ZNF618: variants seen among roughly 807,000 people sequenced by gnomAD.
ZNF618 encodes zinc finger protein 618.
ZNF618 carries 34 observed loss-of-function variants against 103.0 expected under a neutral mutation model. The ratio of observed to expected loss-of-function variants is 0.33; its 90% confidence interval spans 0.25 to 0.44. ZNF618 has a LOEUF of 0.44. Ranked by LOEUF, ZNF618 falls within the 20% of genes least tolerant of loss-of-function variation. The pLI is 1.00. For missense variants in ZNF618, 1,059 were observed against 1,295.4 expected (o/e 0.82, Z 2.80); for synonymous variants, 551 against 542.2 (o/e 1.02, Z -0.23).
intron 1 of ZNF618, among the ~76,000 whole-genome samples, chr9:113,911,210 C>T (rs1416648152): frequency 6.6e-6 from 1 of 152,186 alleles, no homozygotes; most frequent in East Asian, 1.9e-4. Context: ...TAACAAATAG[C>T]AAGTGCTCTT....
chr9:113,983,909 G>T (rs761918907), intron 2 of ZNF618, among the ~76,000 whole-genome samples: 1 of 152,090 alleles, frequency 6.6e-6, no homozygotes, highest in African/African-American at 2.4e-5. Context: ...GTTCCAGTGG[G>T]CCCCGGGGAG....
chr9:114,015,704 C>T (rs1842590044), intron 9 of ZNF618, among the ~76,000 whole-genome samples: 1 of 152,184 alleles, frequency 6.6e-6, no homozygotes. Context: ...TGAGTCACAG[C>T]ATTTTTCTTA....
chr9:113,998,451 C>G (rs1324440695), intron 4 of ZNF618, 97 bp downstream of exon 4: 73 of 1,131,830 alleles, frequency 6.4e-5, no homozygotes, highest in Non-Finnish European at 5.2e-6. Context: ...GTAAGCAGGC[C>G]CCTGTTAGCA....
Position 113,969,084 on chromosome 9 carries a change from G to C in ZNF618, c.34-33G>C, listed in dbSNP as rs768172104. On this transcript the variant is annotated intron_variant, in intron 1 of 14. Coordinates refer to ENST00000374126, the MANE Select transcript of ZNF618 (RefSeq NM_001318042.2). ...AGGTCAAATCTGCATCTTCTGCCTT[G>C]GCTGATGTAGGTGTTTTGGGTTTCT... 5.3e-5 allele frequency: 85 copies of C among 1,613,778 alleles called. 1 individual carries two copies. The South Asian group carries it at 9.0e-4, about 17-fold the overall frequency.
intron 1 of ZNF618, among the ~76,000 whole-genome samples, chr9:113,956,085 T>TA (rs1836258257): frequency 6.6e-6 from 1 of 151,792 alleles, no homozygotes; most frequent in African/African-American, 2.4e-5. Context: ...GGCTCACGCC[T>TA]GTAATCCCAG....
intron 1 of ZNF618, among the ~76,000 whole-genome samples, chr9:113,892,098 G>A (rs1346399093): frequency 6.6e-6 from 1 of 152,168 alleles, no homozygotes; most frequent in Non-Finnish European, 1.5e-5. Context: ...AAATAGGTGA[G>A]AGTTTCAGTT....
chr9:113,877,237 A>C (rs1457405735), intron 1 of ZNF618, among the ~76,000 whole-genome samples: 3 of 152,118 alleles, frequency 2.0e-5, no homozygotes, highest in Admixed American at 2.0e-4. Context: ...AACCTCCTAA[A>C]AGCAAAGTCA....
chr9:114,022,061 TG>T (rs1429274675), intron 10 of ZNF618, among the ~76,000 whole-genome samples: 1 of 152,144 alleles, frequency 6.6e-6, no homozygotes, highest in East Asian at 1.9e-4. Flanking sequence ...TATGAACATT[TG>T]TGTACAAGCC....
chr9:114,010,821 G>T (rs1842173319), intron 9 of ZNF618, among the ~76,000 whole-genome samples: 2 of 152,232 alleles, frequency 1.3e-5, no homozygotes, highest in African/African-American at 4.8e-5. Context: ...GGATCTGGCA[G>T]TGGTCCCAGT....
intron 10 of ZNF618, chr9:114,028,219 C>T (rs1309912843): frequency 6.4e-6 from 1 of 157,102 alleles, no homozygotes; most frequent in Non-Finnish European, 1.4e-5. Context: ...GTCAGGTGTC[C>T]CATGAGAGCA....
intron 13 of ZNF618, among the ~76,000 whole-genome samples, chr9:114,039,971 C>A (rs988029666): frequency 6.6e-6 from 1 of 150,830 alleles, no homozygotes; most frequent in African/African-American, 2.5e-5. Flanking sequence ...ATAGCCACAC[C>A]GAGGAAACCT....
intron 1 of ZNF618, among the ~76,000 whole-genome samples, chr9:113,902,599 C>A (rs750509382): frequency 6.6e-6 from 1 of 152,190 alleles, no homozygotes; most frequent in East Asian, 1.9e-4. Flanking sequence ...ATAAATAATA[C>A]AGTGTTTGAA....
At chr9:114,018,167 A>G (rs1842795930) in intron 10 of ZNF618, among the ~76,000 whole-genome samples, 1 of 152,204 alleles carries the variant, frequency 6.6e-6, no homozygotes, top group South Asian at 2.1e-4. Flanking sequence ...CCTGGGCTAT[A>G]TAGGTCATTC....
chr9:113,969,729 G>A (rs1340919863), intron 2 of ZNF618, among the ~76,000 whole-genome samples: 1 of 152,220 alleles, frequency 6.6e-6, no homozygotes, highest in Non-Finnish European at 1.5e-5. Context: ...CCAAGCTGTG[G>A]ACATCATGAC....
intron 1 of ZNF618, among the ~76,000 whole-genome samples, chr9:113,910,039 T>C (rs1249150437): frequency 6.6e-6 from 1 of 152,140 alleles, no homozygotes; most frequent in Non-Finnish European, 1.5e-5. Context: ...CGCCTTGGCC[T>C]CCTGAAGTGC....
At chr9:113,989,957 A>T (rs1839876137) in intron 3 of ZNF618, among the ~76,000 whole-genome samples, 1 of 151,872 alleles carries the variant, frequency 6.6e-6, no homozygotes, top group Admixed American at 6.6e-5. Flanking sequence ...ATACCCTGGG[A>T]CTCCCTACTG....
chr9:113,980,292 G>A (rs1237437127), intron 2 of ZNF618, among the ~76,000 whole-genome samples: 1 of 152,094 alleles, frequency 6.6e-6, no homozygotes, highest in African/African-American at 2.4e-5. Flanking sequence ...GTAGCAGCAG[G>A]GTTTTGGACT....
intron 13 of ZNF618, among the ~76,000 whole-genome samples, chr9:114,037,197 T>TA (rs1225528489): frequency 6.6e-6 from 1 of 152,120 alleles, no homozygotes; most frequent in Non-Finnish European, 1.5e-5. Context: ...TCACCCACAT[T>TA]ATAGCCCAAT....
At chr9:113,892,395 G>A (rs4979290) in intron 1 of ZNF618, among the ~76,000 whole-genome samples, 33,118 of 152,024 alleles carry the variant, frequency 0.22, 3,858 homozygotes, top group Non-Finnish European at 0.25. Context: ...TGTTCTGTAC[G>A]GATGCAGCAG....
Sources: gnomAD v4.1 joint callset for allele counts (sites outside exome capture counted in the v4.1 genomes callset) on GRCh38, gnomAD v4.1.1 for gene constraint, MANE v1.5 for transcripts, NCBI Gene and HGNC (gene_info 2026-07-23, HGNC 2026-07-21) for gene names.